The following DLEC1 variants were observed in gnomAD, a reference collection of about 807,000 sequenced individuals.
The protein encoded by DLEC1 is DLEC1 cilia and flagella associated protein.
Under a neutral mutation model 198.1 loss-of-function variants are expected in DLEC1, and 146 were observed. That is an observed-to-expected ratio of 0.74 (90% CI 0.64 to 0.85). The LOEUF (loss-of-function observed/expected upper bound fraction) is 0.85. DLEC1 is among the 40% of genes least tolerant of loss of function. The pLI, the probability that DLEC1 is intolerant of heterozygous loss-of-function variation, is 0.00. For synonymous variants in DLEC1, 897 were observed against 866.8 expected, an observed-to-expected ratio of 1.03 and a Z score of -0.61; for missense variants, 2,233 against 2,220.0, an observed-to-expected ratio of 1.01 and a Z score of -0.12.
At chr3:38,102,715 T>G (rs1395130892) in intron 19 of DLEC1, among the ~76,000 whole-genome samples, 2 of 152,192 alleles carry the variant, frequency 1.3e-5, no homozygotes, top group Non-Finnish European at 2.9e-5. Context: ...ACAGCTAGCC[T>G]GAATCCATCA....
At chr3:38,089,807 T>A (rs1485377728) in intron 10 of DLEC1, among the ~76,000 whole-genome samples, 1 of 152,044 alleles carries the variant, frequency 6.6e-6, no homozygotes, top group Non-Finnish European at 1.5e-5. Flanking sequence ...CGTATTTTGT[T>A]TACTGATTGT....
At position 38,075,599 on chromosome 3, in the gene DLEC1, T is replaced by A. The variant is rs982821855; in HGVS notation, c.1174-8559T>A. The stretch of plus-strand genomic sequence containing the variant: ...CGGGGGTTCTTACCCTCCAGAAAAG[T>A]GGGAAAGGGGTCGGGGCGTGGAAAT... On this transcript the variant is annotated intron_variant, in intron 6 of 36. Coordinates refer to ENST00000308059, the MANE Select transcript of DLEC1 (RefSeq NM_007335.4). 4.7e-4 allele frequency among the ~76,000 whole-genome samples: 62 copies of A among 131,862 alleles called. 2 individuals are homozygous for A. Among genetic ancestry groups the A allele is most frequent in the Admixed American group, 4.3e-3 (57 of 13,176 alleles). 86.5% of individuals were successfully genotyped at this position (131,862 alleles called of 152,430 possible).
At chr3:38,056,138 T>C (rs1696360846) in intron 2 of DLEC1, among the ~76,000 whole-genome samples, 1 of 146,222 alleles carries the variant, frequency 6.8e-6, no homozygotes, top group African/African-American at 2.5e-5. Context: ...TGTGGTGGCA[T>C]GCGCCTCCCA....
At position 38,084,223 on chromosome 3, in the gene DLEC1, G is replaced by T; in HGVS notation, c.1239G>T (p.Thr413=). 6.2e-7 allele frequency: 1 copy of T among 1,612,368 alleles called. No homozygotes were observed. The highest frequency in any genetic ancestry group is 1.1e-5 in the South Asian group (1 of 91,070). Residue 413 remains threonine (T), a synonymous_variant, in exon 7 of 37, where the codon ACG becomes ACT. Coordinates refer to ENST00000308059, the MANE Select transcript of DLEC1 (RefSeq NM_007335.4). ...SRYLRVLPPS[T]PYFALGLGMF... The stretch of plus-strand genomic sequence containing the variant: ...ACCTGCGAGTCCTCCCGCCTTCCAC[G>T]CCATACTTCGCTCTGGGACTGGGTA...
chr3:38,059,292 A>G (rs1696552569), intron 2 of DLEC1, among the ~76,000 whole-genome samples: 1 of 152,234 alleles, frequency 6.6e-6, no homozygotes, highest in South Asian at 2.1e-4. Flanking sequence ...ACAAGAGGGA[A>G]GGCTCAGCTG....
chr3:38,116,635 T>C lies in DLEC1; in HGVS notation c.4039T>C (p.Phe1347Leu). 3 of 1,614,072 alleles carry C rather than the reference T, an allele frequency of 1.9e-6. No homozygotes were observed. Among genetic ancestry groups the C allele is most frequent in the Non-Finnish European group, 2.5e-6 (3 of 1,179,966 alleles). The change falls in exon 28 of 37, where the codon TTC becomes CTC. Residue 1347 changes from phenylalanine (F) to leucine (L), a missense_variant. Phe to Leu is a conservative substitution (Grantham distance 22). Transcript: ENST00000308059. ...WSPGPSSSSE[F>L]SHETDSSVEG... ...CCCAGGCCCCTCCAGTTCATCGGAA[T>C]TCAGCCATGAAACTGACTCATCAGT...
In DLEC1 at chr3:38,112,197, G is replaced by A. The variant is rs373960006; in HGVS notation, c.3515-13G>A. ...AGGCCCGTGAATCCCCCACAGTCGC[G>A]GTTCTTTCCCAGATTTTATGGAGAG... On this transcript the variant is annotated splice_polypyrimidine_tract_variant and intron_variant, in intron 24 of 36. Coordinates refer to ENST00000308059, the MANE Select transcript of DLEC1 (RefSeq NM_007335.4). This position sits in a 1 kb window ranked among gnomAD's most constrained non-coding sequence, Gnocchi z 4.8. 2.0e-4 allele frequency: 319 copies of A among 1,613,908 alleles called. No individual in the cohort carries two copies. Among genetic ancestry groups the A allele is most frequent in the South Asian group, 7.0e-4 (64 of 91,082 alleles).
At position 38,086,419 on chromosome 3, in the gene DLEC1, A is replaced by G. The variant is rs528182470; in HGVS notation, c.1572+42A>G. On this transcript the variant is annotated intron_variant, in intron 9 of 36. Transcript: ENST00000308059. ...TGCTAACTGGAAAAATTACAAGTCCATCAAAGGAAATAACCCCCAGAGGAA... is the reference window on the plus strand; with the variant it reads ...TGCTAACTGGAAAAATTACAAGTCCGTCAAAGGAAATAACCCCCAGAGGAA... 10 of 1,571,742 alleles carry G rather than the reference A, an allele frequency of 6.4e-6. No individual in the cohort carries two copies. The South Asian group carries it at 1.2e-4, about 19-fold the overall frequency.
intron 22 of DLEC1, 47 bp downstream of exon 22, chr3:38,109,609 G>C: frequency 6.2e-7 from 1 of 1,611,806 alleles, no homozygotes; most frequent in Non-Finnish European, 8.5e-7. Flanking sequence ...ACTGAGGAAT[G>C]AGGCAGCCGC....
intron 23 of DLEC1, among the ~76,000 whole-genome samples, chr3:38,110,887 C>T (rs1244324472): frequency 6.6e-6 from 1 of 151,910 alleles, no homozygotes; most frequent in East Asian, 1.9e-4. Context: ...TGCATAGACA[C>T]AAATATACAC....
chr3:38,103,774 G>A (rs1318687175), intron 19 of DLEC1: 2 of 152,194 alleles, frequency 1.3e-5, no homozygotes, highest in Admixed American at 1.3e-4. Context: ...ATATTGTTGT[G>A]TCTCAAGGAA....
Position 38,045,683 on chromosome 3 carries a change from G to A in DLEC1, c.552G>A (p.Arg184=), listed in dbSNP as rs1350026911. The A allele has an allele frequency of 1.9e-6, 3 of 1,612,020 alleles. No individual in the cohort carries two copies. Among genetic ancestry groups the A allele is most frequent in the Admixed American group, 1.7e-5 (1 of 59,666 alleles). The change falls in exon 2 of 37, where the codon AGG becomes AGA. Residue 184 remains arginine (R), a synonymous_variant. Transcript: ENST00000308059. ...TACAGGACCTCGAGAGCCTTGTCAGGTTGCCTCCAGGTGTGTATAAAGAAC... is the reference window on the plus strand; with the variant it reads ...TACAGGACCTCGAGAGCCTTGTCAGATTGCCTCCAGGTGTGTATAAAGAAC... ...AGVQDLESLV[R]LPPVKSVSRW...
chr3:38,083,036 A>G (rs28816184), intron 6 of DLEC1, among the ~76,000 whole-genome samples: 63,931 of 150,874 alleles, frequency 0.42, 14,235 homozygotes, highest in East Asian at 0.58. Context: ...GAAGGGTGGC[A>G]CCAAGATTGA....
intron 32 of DLEC1, 57 bp downstream of exon 32, chr3:38,117,668 G>A (rs1219780183): frequency 1.2e-6 from 2 of 1,611,762 alleles, no homozygotes; most frequent in Non-Finnish European, 8.5e-7. Flanking sequence ...AGATGTCTCT[G>A]TGTGCCCTTG....
intron 5 of DLEC1, among the ~76,000 whole-genome samples, chr3:38,063,563 C>T (rs1427758396): frequency 6.6e-6 from 1 of 152,066 alleles, no homozygotes; most frequent in East Asian, 1.9e-4. Flanking sequence ...ATTAAAAACC[C>T]ACTTACTTAT....
Position 38,096,642 on chromosome 3 carries a change from GGCTCAGT to G in DLEC1, c.2246_2252del (p.Gly749GlufsTer8). On this transcript the variant is annotated frameshift_variant, in exon 15 of 37. Coordinates refer to ENST00000308059, the MANE Select transcript of DLEC1 (RefSeq NM_007335.4). LOFTEE classifies it high-confidence loss of function. ...GATTGTCCTGGAAATCGAGGTGAAA[GGCTCAGT>G]AGAACCTTTCCAGGTTCTCTTAGAG... 6.2e-7 allele frequency: 1 copy of G among 1,613,148 alleles called. No homozygotes were observed. Among genetic ancestry groups the G allele is most frequent in the Non-Finnish European group, 8.5e-7 (1 of 1,180,020 alleles).
intron 36 of DLEC1, 36 bp downstream of exon 36, chr3:38,122,230 A>G: frequency 6.2e-7 from 1 of 1,610,138 alleles, no homozygotes; most frequent in Non-Finnish European, 8.5e-7. Flanking sequence ...AACTGCCCAC[A>G]GAGCCTGGAC....
In DLEC1 at chr3:38,111,667, A is replaced by G. The variant is rs767000557; in HGVS notation, c.3444-10A>G. ...GACTTGATACTATTTCTGTGTCTCC[A>G]CTTGTAAAGTCCCAACATGCCTCCT... is the stretch of plus-strand genomic sequence containing the variant. On this transcript the variant is annotated splice_polypyrimidine_tract_variant and intron_variant, in intron 23 of 36. Transcript: ENST00000308059. 6.2e-7 allele frequency: 1 copy of G among 1,612,002 alleles called. No individual in the cohort carries two copies. Among genetic ancestry groups the G allele is most frequent in the Non-Finnish European group, 8.5e-7 (1 of 1,179,076 alleles).
At chr3:38,120,078 C>T (rs1467396032) in intron 33 of DLEC1, among the ~76,000 whole-genome samples, 1 of 152,200 alleles carries the variant, frequency 6.6e-6, no homozygotes, top group Non-Finnish European at 1.5e-5. Flanking sequence ...TGCAGCCCAC[C>T]TCCCCACCAG....
Sources: allele counts gnomAD v4.1 joint callset (sites outside exome capture counted in the v4.1 genomes callset), GRCh38; gene constraint gnomAD v4.1.1; non-coding constraint Gnocchi (gnomAD v3.1); transcripts MANE v1.5; gene names NCBI Gene and HGNC (gene_info 2026-07-23, HGNC 2026-07-21).